TMEM132D: variants seen among roughly 807,000 people sequenced by gnomAD.
TMEM132D encodes transmembrane protein 132D.
TMEM132D carries 21 observed loss-of-function variants against 62.3 expected under a neutral mutation model. That is an observed-to-expected ratio of 0.34 (90% CI 0.24 to 0.49). The LOEUF is 0.49. Ranked by LOEUF, TMEM132D falls within the 20% of genes least tolerant of loss-of-function variation. TMEM132D has a pLI of 0.99. For synonymous variants in TMEM132D, 621 were observed against 575.6 expected, an observed-to-expected ratio of 1.08 and a Z score of -1.13; for missense variants, 1,346 against 1,402.8, an observed-to-expected ratio of 0.96 and a Z score of 0.65.
At chr12:129,783,009 G>A (rs1413778344) in intron 1 of TMEM132D, among the ~76,000 whole-genome samples, 1 of 152,184 alleles carries the variant, frequency 6.6e-6, no homozygotes, top group Non-Finnish European at 1.5e-5. Context: ...TGTTATTTCT[G>A]TAGTAGTCGC....
chr12:129,521,674 C>T (rs935706837), intron 3 of TMEM132D: 1 of 152,178 alleles, frequency 6.6e-6, no homozygotes, highest in African/African-American at 2.4e-5. Flanking sequence ...CTTCCTTCAG[C>T]GTCACACTTC....
intron 2 of TMEM132D, 23 bp downstream of exon 2, chr12:129,699,787 A>G (rs1881331698): frequency 1.2e-6 from 2 of 1,610,440 alleles, no homozygotes; most frequent in East Asian, 4.5e-5. Context: ...GCGGGTACAG[A>G]CAGACATTGG....
intron 2 of TMEM132D, among the ~76,000 whole-genome samples, chr12:129,661,066 G>A (rs1005783765): frequency 6.6e-6 from 1 of 152,242 alleles, no homozygotes; most frequent in Admixed American, 6.5e-5. Context: ...AACAGGGGAA[G>A]CATCTAAAAG....
At chr12:129,782,653 C>T (rs1353227003) in intron 1 of TMEM132D, among the ~76,000 whole-genome samples, 1 of 152,204 alleles carries the variant, frequency 6.6e-6, no homozygotes, top group African/African-American at 2.4e-5. Flanking sequence ...CAGGTGTATT[C>T]CTGATAAAGC....
At chr12:129,456,738 C>T (rs1294570588) in intron 3 of TMEM132D, among the ~76,000 whole-genome samples, 1 of 152,164 alleles carries the variant, frequency 6.6e-6, no homozygotes, top group Non-Finnish European at 1.5e-5. Context: ...AATGGTCATC[C>T]CAGTCCACTC....
chr12:129,408,897 G>C (rs536729703), intron 3 of TMEM132D, among the ~76,000 whole-genome samples: 1 of 151,676 alleles, frequency 6.6e-6, no homozygotes, highest in South Asian at 2.1e-4. Flanking sequence ...CATACAAAGA[G>C]AGAAGTTCTC....
At chr12:129,404,629 G>A (rs1009486813) in intron 3 of TMEM132D, among the ~76,000 whole-genome samples, 1 of 152,204 alleles carries the variant, frequency 6.6e-6, no homozygotes, top group Non-Finnish European at 1.5e-5. Flanking sequence ...GCAGGAGAAG[G>A]AGCCATCACA....
chr12:129,214,016 C>A (rs1221821149), intron 4 of TMEM132D, among the ~76,000 whole-genome samples: 1 of 152,224 alleles, frequency 6.6e-6, no homozygotes, highest in Non-Finnish European at 1.5e-5. Flanking sequence ...TATTTATACA[C>A]CAAACCTAAG....
chr12:129,099,609 C>G (rs541182051), intron 5 of TMEM132D, among the ~76,000 whole-genome samples: 1 of 152,292 alleles, frequency 6.6e-6, no homozygotes, highest in Admixed American at 6.5e-5. Context: ...CACGGGTGGC[C>G]GTGTTGAACA....
chr12:129,248,378 C>T (rs570073711), intron 4 of TMEM132D, among the ~76,000 whole-genome samples: 21 of 152,176 alleles, frequency 1.4e-4, no homozygotes, highest in East Asian at 1.2e-3. Context: ...GTAAAATATC[C>T]GAAAAGTAAA....
chr12:129,341,265 T>C (rs1869471274), intron 3 of TMEM132D, among the ~76,000 whole-genome samples: 2 of 152,238 alleles, frequency 1.3e-5, no homozygotes, highest in Admixed American at 6.5e-5. Context: ...GTGCTTACAA[T>C]AGAGTGTAAT....
chr12:129,605,006 C>T (rs1369004252), intron 2 of TMEM132D, among the ~76,000 whole-genome samples: 1 of 152,158 alleles, frequency 6.6e-6, no homozygotes, highest in Admixed American at 6.5e-5. Context: ...TCTCAGTATG[C>T]TAATTTTAGT....
rs1181286597 is a variant in TMEM132D, at chr12:129,903,438, GA to G, written c.-100del. 4 of 1,317,894 alleles carry G rather than the reference GA, an allele frequency of 3.0e-6. No homozygotes were observed. The African/African-American group carries it at 5.9e-5, about 19-fold the overall frequency. 81.6% of individuals were successfully genotyped at this position (1,317,894 alleles called of 1,614,324 possible). ...AGAGGCCCGCAGCGGGGCCGGTGGC[GA>G]GGGAGCGCCCGGCTAGGGGCCCGAG... On this transcript the variant is annotated 5_prime_UTR_variant, in exon 1 of 9. Coordinates refer to ENST00000422113, the MANE Select transcript of TMEM132D (RefSeq NM_133448.3). The surrounding 1 kb of genome is among the most constrained non-coding windows in gnomAD (Gnocchi z 6.2).
intron 4 of TMEM132D, among the ~76,000 whole-genome samples, chr12:129,296,547 T>C (rs1881581612): frequency 6.6e-6 from 1 of 152,204 alleles, no homozygotes; most frequent in South Asian, 2.1e-4. Context: ...CTATTCCTGT[T>C]TCTTTCCTCA....
chr12:129,216,991 A>AT (rs1184775616), intron 4 of TMEM132D, among the ~76,000 whole-genome samples: 2 of 152,236 alleles, frequency 1.3e-5, no homozygotes, highest in East Asian at 1.9e-4. Flanking sequence ...GGGAAAAAAC[A>AT]TTTTTTGTTG....
At chr12:129,901,194 C>T (rs1875341215) in intron 1 of TMEM132D, among the ~76,000 whole-genome samples, 1 of 152,240 alleles carries the variant, frequency 6.6e-6, no homozygotes, top group South Asian at 2.1e-4. Context: ...TGTGTGTTTA[C>T]TTTCAATTAA....
At chr12:129,719,151 T>C (rs1020355737) in intron 1 of TMEM132D, among the ~76,000 whole-genome samples, 1 of 151,030 alleles carries the variant, frequency 6.6e-6, no homozygotes, top group Non-Finnish European at 1.5e-5. Flanking sequence ...TCCCAGCTAC[T>C]TGGGGGGCTG....
chr12:129,842,097 A>ATTGTTTTTTTTT (rs1566005017), intron 1 of TMEM132D, among the ~76,000 whole-genome samples: 1 of 97,446 alleles, frequency 1.0e-5, no homozygotes, highest in Non-Finnish European at 2.0e-5. Flanking sequence ...CGCCCGGCTA[A>ATTGTTTTTTTTT]TTTTTTTTTT....
chr12:129,351,489 G>T lies in TMEM132D; in HGVS notation c.1116-13672C>A, dbSNP rs144729897. 3.3e-3 allele frequency among the ~76,000 whole-genome samples: 500 copies of T among 152,272 alleles called. 1 individual carries two copies. The highest frequency in any genetic ancestry group is 0.011 in the African/African-American group (472 of 41,558). On this transcript the variant is annotated intron_variant, in intron 3 of 8. Transcript: ENST00000422113. ...TAGGCTTACAAAACCCTATGGCTTT[G>T]GACATTTTAACAGCGGCCCAAGAGG...
Sources: allele counts gnomAD v4.1 joint callset (sites outside exome capture counted in the v4.1 genomes callset), GRCh38; gene constraint gnomAD v4.1.1; non-coding constraint Gnocchi (gnomAD v3.1); transcripts MANE v1.5; gene names NCBI Gene and HGNC (gene_info 2026-07-23, HGNC 2026-07-21).